Variants in DNAJC9 observed in about 807,000 individuals in gnomAD.
DNAJC9 encodes the protein dnaJ homolog subfamily C member 9.
In DNAJC9, 18 loss-of-function variants were observed where a neutral mutation model predicts 32.4. The ratio of observed to expected loss-of-function variants is 0.56; its 90% CI spans 0.38 to 0.82. The LOEUF (loss-of-function observed/expected upper bound fraction) is 0.82. Among genes scored for constraint, DNAJC9 ranks in the 40% least tolerant of loss-of-function variants. The probability of loss-of-function intolerance (pLI) is 0.00; values close to 1 mark genes in which losing one functional copy is unlikely to be tolerated. For synonymous variants in DNAJC9, 113 were observed against 122.1 expected (o/e 0.93, Z 0.49); for missense variants, 310 against 321.8 (o/e 0.96, Z 0.28).
chr10:73,235,097 T>A, downstream of DNAJC9: 2 of 1,457,930 alleles, frequency 1.4e-6, no homozygotes, highest in Non-Finnish European at 1.9e-6. Flanking sequence ...CTGTTTGGCC[T>A]GCACTTACCA....
chr10:73,234,688 C>G, downstream of DNAJC9: 1 of 979,166 alleles, frequency 1.0e-6, no homozygotes, highest in Non-Finnish European at 1.5e-6. Flanking sequence ...TACTTGAAAA[C>G]ATAGGTAGCC....
At chr10:73,239,083 G>C, downstream of DNAJC9, 1 of 468,362 alleles carries the variant, frequency 2.1e-6, no homozygotes, top group Non-Finnish European at 3.8e-6. Context: ...TAACGGCATA[G>C]TAATAATATT....
In DNAJC9 at chr10:73,243,376, G is replaced by C; in HGVS notation, c.*24C>G. ...TACGATGGCATCAATTTACACCTAAGGACCTTTGAAGAGAAAAATTCCATT... is the reference window on the plus strand; with the variant it reads ...TACGATGGCATCAATTTACACCTAACGACCTTTGAAGAGAAAAATTCCATT... On this transcript the variant is annotated 3_prime_UTR_variant, in exon 5 of 5. Coordinates refer to ENST00000372950, the MANE Select transcript of DNAJC9 (RefSeq NM_015190.5). 19 of 1,611,828 alleles carry C rather than the reference G, an allele frequency of 1.2e-5. No homozygotes were observed. The highest frequency in any genetic ancestry group is 1.6e-5 in the Non-Finnish European group (19 of 1,179,660).
rs951782093 is a variant in DNAJC9, at chr10:73,243,257, T to C, written c.*143A>G. ...CTAAGATCAGGTTGAGAGATTCTGC[T>C]TGGTCTAGTCAATCTGAAAAATTCA... On this transcript the variant is annotated 3_prime_UTR_variant, in exon 5 of 5. Transcript: ENST00000372950. 6 of 826,338 alleles carry C rather than the reference T, an allele frequency of 7.3e-6. No homozygotes were observed. Among genetic ancestry groups the C allele is most frequent in the Non-Finnish European group, 9.6e-6 (5 of 521,496 alleles). The allele number at this position is 826,338 out of a possible 1,614,324, so 51.2% of individuals were successfully genotyped here.
downstream of DNAJC9, chr10:73,235,555 GAT>G: frequency 1.2e-6 from 1 of 850,848 alleles, no homozygotes; most frequent in Non-Finnish European, 1.7e-6. Context: ...TAACACTTAA[GAT>G]ATGTCTGACC....
downstream of DNAJC9, chr10:73,235,000 T>C: frequency 6.5e-7 from 1 of 1,529,110 alleles, no homozygotes; most frequent in Non-Finnish European, 8.8e-7. Context: ...GGGCAGTAAT[T>C]CTGCAGGATC....
downstream of DNAJC9, chr10:73,235,466 A>G (rs573314656): frequency 3.3e-4 from 474 of 1,438,264 alleles, no homozygotes; most frequent in Non-Finnish European, 4.0e-4. Flanking sequence ...TTATAAATAC[A>G]TTTTGTTCAA....
chr10:73,234,530 G>C, downstream of DNAJC9: 1 of 335,594 alleles, frequency 3.0e-6, no homozygotes, highest in East Asian at 6.7e-5. Context: ...CAGCAGAGAA[G>C]TGCAATACCA....
chr10:73,243,950 A>T, intron 3 of DNAJC9, 21 bp from the exon 4 acceptor site: 4 of 1,601,340 alleles, frequency 2.5e-6, no homozygotes, highest in Non-Finnish European at 3.4e-6. Context: ...AACTCACATG[A>T]GACTCAGGGC....
chr10:73,243,554 A>G, intron 4 of DNAJC9, 35 bp from the exon 5 acceptor site: 1 of 1,613,402 alleles, frequency 6.2e-7, no homozygotes, highest in Non-Finnish European at 8.5e-7. Context: ...CTTTCACAAC[A>G]TTATCCATAG....
downstream of DNAJC9, among the ~76,000 whole-genome samples, chr10:73,237,073 A>G (rs953417664): frequency 6.6e-6 from 1 of 152,014 alleles, no homozygotes; most frequent in African/African-American, 2.4e-5. Flanking sequence ...CCCTCTTCTT[A>G]TAAGATACCA....
At chr10:73,240,817 C>A, downstream of DNAJC9, 1 of 595,820 alleles carries the variant, frequency 1.7e-6, no homozygotes, top group Admixed American at 2.7e-5. Flanking sequence ...TTCTACAAAA[C>A]TAGTTTACTG....
At chr10:73,234,824 G>A, downstream of DNAJC9, 2 of 1,551,368 alleles carry the variant, frequency 1.3e-6, no homozygotes, top group Non-Finnish European at 1.7e-6. Context: ...CAGCCCAGTG[G>A]CACCCGACTC....
intron 2 of DNAJC9, among the ~76,000 whole-genome samples, chr10:73,232,496 C>G (rs947546634): frequency 1.3e-5 from 2 of 152,238 alleles, no homozygotes; most frequent in African/African-American, 4.8e-5. Context: ...GGTGCCACAA[C>G]TGCTCCCAAG....
downstream of DNAJC9, chr10:73,240,925 T>C (rs1249544198): frequency 7.0e-7 from 1 of 1,421,980 alleles, no homozygotes; most frequent in Admixed American, 2.0e-5. Context: ...TCTACTAATG[T>C]TACTCTATGT....
At chr10:73,240,435 G>T (rs909757287), downstream of DNAJC9, among the ~76,000 whole-genome samples, 2 of 152,164 alleles carry the variant, frequency 1.3e-5, no homozygotes, top group Admixed American at 6.5e-5. Flanking sequence ...ATAACTGGCT[G>T]GGCGTGGTGG....
chr10:73,239,473 C>A, downstream of DNAJC9: 1 of 944,368 alleles, frequency 1.1e-6, no homozygotes, highest in Non-Finnish European at 1.6e-6. Flanking sequence ...ATTTCCCCTT[C>A]TTTCAGATTT....
chr10:73,232,432 C>T (rs1029956244), intron 2 of DNAJC9, among the ~76,000 whole-genome samples: 5 of 152,212 alleles, frequency 3.3e-5, no homozygotes, highest in Non-Finnish European at 5.9e-5. Context: ...AAACCCAAAT[C>T]CCTGCCAGCT....
At chr10:73,235,279 C>T (rs201983012), downstream of DNAJC9, 198 of 1,551,998 alleles carry the variant, frequency 1.3e-4, no homozygotes, top group South Asian at 1.1e-3. Flanking sequence ...TCCTTTTGCC[C>T]GACTTTTTCC....
Sources: gnomAD v4.1 joint callset for allele counts (sites outside exome capture counted in the v4.1 genomes callset) on GRCh38, gnomAD v4.1.1 for gene constraint, MANE v1.5 for transcripts, NCBI Gene and HGNC (gene_info 2026-07-23, HGNC 2026-07-21) for gene names.